PRKCB: variants seen among roughly 807,000 people sequenced by gnomAD.
The protein encoded by PRKCB is protein kinase C beta type.
A neutral mutation model predicts 81.5 loss-of-function variants in PRKCB; 13 were observed. The ratio of observed to expected loss-of-function variants is 0.16; its 90% CI spans 0.10 to 0.25. The LOEUF is 0.25. Ranked by LOEUF, PRKCB falls within the 10% of genes least tolerant of loss-of-function variation. The pLI, the probability that PRKCB is intolerant of heterozygous loss-of-function variation, is 1.00. For missense variants in PRKCB, 509 were observed against 875.7 expected, an observed-to-expected ratio of 0.58 and a Z score of 5.29; for synonymous variants, 335 against 321.4, an observed-to-expected ratio of 1.04 and a Z score of -0.45.
chr16:23,956,942 A>T (rs969791828), intron 2 of PRKCB, among the ~76,000 whole-genome samples: 1 of 149,582 alleles, frequency 6.7e-6, no homozygotes, highest in Non-Finnish European at 1.5e-5. Flanking sequence ...CCTAACTCAT[A>T]CAAAAATAAA....
At chr16:24,007,873 TG>T (rs1965147306) in intron 3 of PRKCB, among the ~76,000 whole-genome samples, 1 of 152,208 alleles carries the variant, frequency 6.6e-6, no homozygotes, top group South Asian at 2.1e-4. Flanking sequence ...GCCCTGGTTC[TG>T]GACTCAAGAG....
chr16:24,052,911 AC>A (rs1004662432), intron 5 of PRKCB, among the ~76,000 whole-genome samples: 5 of 152,228 alleles, frequency 3.3e-5, no homozygotes, highest in Middle Eastern at 3.4e-3. Context: ...GCCTTATTTT[AC>A]CCAGCCCCTA....
chr16:24,057,312 G>C (rs1016682449), intron 5 of PRKCB, among the ~76,000 whole-genome samples: 1 of 152,152 alleles, frequency 6.6e-6, no homozygotes, highest in African/African-American at 2.4e-5. Flanking sequence ...GAAAAATGCA[G>C]CTCAGAGAGG....
chr16:23,954,938 C>T (rs1964330395), intron 2 of PRKCB, among the ~76,000 whole-genome samples: 1 of 151,994 alleles, frequency 6.6e-6, no homozygotes, highest in Non-Finnish European at 1.5e-5. Context: ...GTGTGTAATC[C>T]CATGAAACAC....
At chr16:23,868,620 C>G (rs929991409) in intron 2 of PRKCB, among the ~76,000 whole-genome samples, 1 of 152,184 alleles carries the variant, frequency 6.6e-6, no homozygotes, top group Admixed American at 6.5e-5. Context: ...AATAACAAAA[C>G]GCATGCTCTT....
chr16:23,848,941 A>G (rs1182035281), intron 2 of PRKCB, among the ~76,000 whole-genome samples: 4 of 152,324 alleles, frequency 2.6e-5, no homozygotes, highest in South Asian at 2.1e-4. Flanking sequence ...GGGAGGCAAG[A>G]TGAATGCTCT....
At chr16:23,918,179 G>A (rs1963771272) in intron 2 of PRKCB, among the ~76,000 whole-genome samples, 1 of 152,070 alleles carries the variant, frequency 6.6e-6, no homozygotes, top group Non-Finnish European at 1.5e-5. Flanking sequence ...ATGGGAGGGA[G>A]CCAACAAAGA....
At chr16:24,179,346 C>T (rs1967583510) in intron 12 of PRKCB, among the ~76,000 whole-genome samples, 1 of 152,214 alleles carries the variant, frequency 6.6e-6, no homozygotes, top group African/African-American at 2.4e-5. Context: ...TATTAGAATG[C>T]TGTCATCACA....
intron 10 of PRKCB, among the ~76,000 whole-genome samples, chr16:24,164,206 A>G (rs1206916798): frequency 6.6e-6 from 1 of 152,084 alleles, no homozygotes; most frequent in East Asian, 1.9e-4. Flanking sequence ...GTCTTAGGGG[A>G]AGATTGTCTC....
intron 2 of PRKCB, among the ~76,000 whole-genome samples, chr16:23,951,882 G>A (rs1964289488): frequency 6.6e-6 from 1 of 152,152 alleles, no homozygotes; most frequent in South Asian, 2.1e-4. Flanking sequence ...ACAGTCAAAT[G>A]TGTCAGTCTT....
In PRKCB at chr16:23,903,703, G is replaced by A. The variant is rs1368525664; in HGVS notation, c.205+66297G>A. Among the ~76,000 whole-genome samples the A allele has an allele frequency of 6.6e-5, 10 of 152,288 alleles. 1 individual carries two copies. Among genetic ancestry groups the A allele is most frequent in the Admixed American group, 6.5e-4 (10 of 15,288 alleles). Reference sequence around the variant, plus strand: ...GAAACTGAAACTCTTTCCACCCAGGGTCTTTGCAGAAAGTGGTTCCCACTG... The same window carrying A: ...GAAACTGAAACTCTTTCCACCCAGGATCTTTGCAGAAAGTGGTTCCCACTG... On this transcript the variant is annotated intron_variant, in intron 2 of 16. Coordinates refer to ENST00000643927, the MANE Select transcript of PRKCB (RefSeq NM_002738.7).
chr16:23,960,682 T>C (rs1448515448), intron 2 of PRKCB, among the ~76,000 whole-genome samples: 2 of 152,220 alleles, frequency 1.3e-5, no homozygotes, highest in Non-Finnish European at 2.9e-5. Flanking sequence ...CAAATGTCCA[T>C]GTGTTCTCAT....
At chr16:24,131,197 A>AT (rs1188446860) in intron 9 of PRKCB, among the ~76,000 whole-genome samples, 2 of 152,200 alleles carry the variant, frequency 1.3e-5, no homozygotes, top group East Asian at 3.8e-4. Context: ...CAGGTATCAC[A>AT]TTTTTTCTCT....
At position 23,879,350 on chromosome 16, in the gene PRKCB, A is replaced by G. The variant is rs576108143; in HGVS notation, c.205+41944A>G. Among the ~76,000 whole-genome samples the G allele has an allele frequency of 3.3e-5, 5 of 152,230 alleles. No individual in the cohort carries two copies. The East Asian group carries it at 9.6e-4, about 29-fold the overall frequency. ...TCTTTAGTAAGTCTGGGCTGTTTTC[A>G]TAGCCTAGGATGAAGTTCAGCAATA... On this transcript the variant is annotated intron_variant, in intron 2 of 16. Transcript: ENST00000643927.
chr16:23,868,620 C>T (rs929991409), intron 2 of PRKCB, among the ~76,000 whole-genome samples: 10 of 152,184 alleles, frequency 6.6e-5, no homozygotes, highest in Admixed American at 2.6e-4. Context: ...AATAACAAAA[C>T]GCATGCTCTT....
Position 24,220,218 on chromosome 16 carries a change from C to A in PRKCB, c.*5402C>A, listed in dbSNP as rs1021443938. On this transcript the variant is annotated 3_prime_UTR_variant, in exon 17 of 17. Coordinates refer to ENST00000643927, the MANE Select transcript of PRKCB (RefSeq NM_002738.7). ...TCACGGTGCACATGCTGGCATTCAA[C>A]ATGTGGAAAGCTTGTCTTAGAGGGC... 30 of 1,401,252 alleles carry A rather than the reference C, an allele frequency of 2.1e-5. No homozygotes were observed. Among genetic ancestry groups the A allele is most frequent in the Non-Finnish European group, 2.9e-5 (30 of 1,022,900 alleles). 86.8% of individuals were successfully genotyped at this position (1,401,252 alleles called of 1,614,324 possible).
intron 2 of PRKCB, among the ~76,000 whole-genome samples, chr16:23,863,474 CT>C (rs1449788477): frequency 6.6e-6 from 1 of 152,060 alleles, no homozygotes; most frequent in African/African-American, 2.4e-5. Flanking sequence ...TGGATCAGGA[CT>C]CCTTTCCTGT....
chr16:23,836,482 G>T, intron 1 of PRKCB, 134 bp downstream of exon 1: 3 of 1,331,614 alleles, frequency 2.3e-6, no homozygotes, highest in South Asian at 2.9e-5. Flanking sequence ...TCCCGGCTCC[G>T]GACCCTGCTG....
chr16:24,212,917 A>G (rs915811777), intron 16 of PRKCB, among the ~76,000 whole-genome samples: 1 of 152,114 alleles, frequency 6.6e-6, no homozygotes, highest in Non-Finnish European at 1.5e-5. Flanking sequence ...CATTCAAACC[A>G]GAGACTTCAT....
Sources: allele counts gnomAD v4.1 joint callset (sites outside exome capture counted in the v4.1 genomes callset), GRCh38; gene constraint gnomAD v4.1.1; transcripts MANE v1.5; gene names NCBI Gene and HGNC (gene_info 2026-07-23, HGNC 2026-07-21).